TNR: variants seen among roughly 807,000 people sequenced by gnomAD.
The protein encoded by TNR is tenascin-R.
In TNR, 45 loss-of-function variants were observed where a neutral mutation model predicts 150.4. The observed-to-expected ratio is 0.30, with a 90% confidence interval of 0.24 to 0.38. The LOEUF is 0.38. Ranked by LOEUF, TNR falls within the 10% of genes least tolerant of loss-of-function variation. The pLI is 1.00. For missense variants in TNR, 1,544 were observed against 1,759.1 expected, an observed-to-expected ratio of 0.88 and a Z score of 2.19; for synonymous variants, 687 against 678.4, an observed-to-expected ratio of 1.01 and a Z score of -0.20.
intron 1 of TNR, among the ~76,000 whole-genome samples, chr1:175,691,642 C>T (rs753700732): frequency 6.6e-6 from 1 of 152,064 alleles, no homozygotes; most frequent in Non-Finnish European, 1.5e-5. Context: ...TTTTTCAGCC[C>T]CAAACTTGGT....
chr1:175,504,046 G>A (rs1216442981), intron 2 of TNR, among the ~76,000 whole-genome samples: 1 of 152,192 alleles, frequency 6.6e-6, no homozygotes, highest in Non-Finnish European at 1.5e-5. Context: ...TACGAAGAAG[G>A]CTGATGCCCA....
At chr1:175,387,017 C>T (rs975830846) in intron 7 of TNR, among the ~76,000 whole-genome samples, 3 of 152,228 alleles carry the variant, frequency 2.0e-5, no homozygotes, top group Admixed American at 6.5e-5. Flanking sequence ...CTTCCAGGTT[C>T]TCTAGTGTAT....
At chr1:175,355,040 T>C (rs1431069469) in intron 17 of TNR, among the ~76,000 whole-genome samples, 1 of 152,196 alleles carries the variant, frequency 6.6e-6, no homozygotes, top group Non-Finnish European at 1.5e-5. Context: ...GATATCACCT[T>C]TATAATGCTT....
At chr1:175,331,055 T>TC (rs1649793246) in intron 20 of TNR, among the ~76,000 whole-genome samples, 1 of 117,176 alleles carries the variant, frequency 8.5e-6, no homozygotes, top group Admixed American at 9.0e-5. Flanking sequence ...CTTTCTTTCT[T>TC]TCTTTCTTTC....
intron 2 of TNR, among the ~76,000 whole-genome samples, chr1:175,415,191 C>T (rs1399122409): frequency 1.3e-5 from 2 of 151,326 alleles, no homozygotes; most frequent in East Asian, 1.9e-4. Flanking sequence ...TAGTTTCCTC[C>T]CTGCCGTTGG....
intron 2 of TNR, among the ~76,000 whole-genome samples, chr1:175,501,198 A>G (rs1219046280): frequency 6.6e-6 from 1 of 152,338 alleles, no homozygotes; most frequent in African/African-American, 2.4e-5. Flanking sequence ...AGCCTTTAAA[A>G]GAAGGTGAAG....
intron 1 of TNR, among the ~76,000 whole-genome samples, chr1:175,627,323 T>G (rs1219409651): frequency 6.6e-6 from 1 of 152,208 alleles, no homozygotes; most frequent in Non-Finnish European, 1.5e-5. Flanking sequence ...ACTCTGATCC[T>G]TAGATCAGAG....
chr1:175,334,566 T>G (rs1326187358), intron 20 of TNR, among the ~76,000 whole-genome samples: 1 of 152,214 alleles, frequency 6.6e-6, no homozygotes, highest in African/African-American at 2.4e-5. Context: ...TTCAGACTTT[T>G]GCATTCAGGC....
intron 2 of TNR, among the ~76,000 whole-genome samples, chr1:175,486,316 C>CAGG (rs1658012448): frequency 6.6e-6 from 1 of 151,852 alleles, no homozygotes; most frequent in Non-Finnish European, 1.5e-5. Flanking sequence ...TGATGTTTCC[C>CAGG]TCCCTGTGTC....
intron 1 of TNR, among the ~76,000 whole-genome samples, chr1:175,610,646 T>A (rs917346937): frequency 1.6e-4 from 24 of 152,208 alleles, no homozygotes; most frequent in African/African-American, 5.8e-4. Context: ...CTCCTCCCTA[T>A]AAAGGAAAGT....
chr1:175,362,744 G>T lies in TNR; in HGVS notation c.2773C>A (p.Pro925Thr), dbSNP rs755988969. ...AGGCTGATTTCGTATTCGGTAGCTG[G>T]GTTCAGTCTGGTGATGGTGAATTCT... ...VTEFTITRLN[P>T]ATEYEISLNS... Residue 925 changes from proline to threonine, a missense_variant, in exon 14 of 23, where the codon CCA becomes ACA. Physicochemically the swap from Pro to Thr is conservative, Grantham distance 38. Transcript: ENST00000367674. 7.9e-5 allele frequency: 127 copies of T among 1,613,998 alleles called. No homozygotes were observed. Among genetic ancestry groups the T allele is most frequent in the Non-Finnish European group, 1.0e-4 (122 of 1,180,002 alleles).
intron 1 of TNR, among the ~76,000 whole-genome samples, chr1:175,595,716 A>T (rs1662980666): frequency 6.6e-6 from 1 of 152,228 alleles, no homozygotes; most frequent in Non-Finnish European, 1.5e-5. Context: ...GTCATGGAAC[A>T]GAAAGGGTAT....
rs536186172 is a variant in TNR, at chr1:175,613,721, T to C, written c.-164-85352A>G. On this transcript the variant is annotated intron_variant, in intron 1 of 22. Coordinates refer to ENST00000367674, the MANE Select transcript of TNR (RefSeq NM_003285.3). ...GAATTCTCTTGTCCTATCAAGTTAC[T>C]GCCCTCTCCCTTCTTCAGGAAAACA... is the stretch of plus-strand genomic sequence containing the variant. 1.1e-3 allele frequency among the ~76,000 whole-genome samples: 164 copies of C among 152,318 alleles called. 1 individual carries two copies. The highest frequency in any genetic ancestry group is 3.8e-3 in the African/African-American group (157 of 41,572).
chr1:175,542,873 C>T (rs1660557571), intron 1 of TNR, among the ~76,000 whole-genome samples: 1 of 152,128 alleles, frequency 6.6e-6, no homozygotes, highest in Admixed American at 6.5e-5. Context: ...CTCTCTTCAC[C>T]CTTGCTAACT....
intron 20 of TNR, among the ~76,000 whole-genome samples, chr1:175,331,074 T>TTTCTTTCTTTCTTTCTTTCC (rs1557868014): frequency 2.0e-5 from 2 of 101,282 alleles, no homozygotes; most frequent in African/African-American, 8.5e-5. Context: ...TCTTTCTTTC[T>TTTCTTTCTTTCTTTCTTTCC]TTCCTTCTTT....
rs115448521 is a variant in TNR, at chr1:175,475,292, A to G, written c.-64+52977T>C. On this transcript the variant is annotated intron_variant, in intron 2 of 22. Coordinates refer to ENST00000367674, the MANE Select transcript of TNR (RefSeq NM_003285.3). ...CTCTTACACCTTTCTGCCAAAGTAA[A>G]TTTAGGGATGATGGCACCTTTCTGC... is the stretch of plus-strand genomic sequence containing the variant. Among the ~76,000 whole-genome samples, 1,114 of 152,246 alleles carry G rather than the reference A, an allele frequency of 7.3e-3. 8 individuals are homozygous for G. Among genetic ancestry groups the G allele is most frequent in the African/African-American group, 0.026 (1,062 of 41,560 alleles).
At chr1:175,547,851 T>G (rs1310232267) in intron 1 of TNR, among the ~76,000 whole-genome samples, 1 of 152,190 alleles carries the variant, frequency 6.6e-6, no homozygotes, top group African/African-American at 2.4e-5. Context: ...TTGACACTGT[T>G]AAAGCCACTC....
chr1:175,363,639 G>C (rs542016150), intron 13 of TNR, 69 bp downstream of exon 13: 3 of 1,559,426 alleles, frequency 1.9e-6, no homozygotes, highest in South Asian at 2.4e-5. Context: ...TGTTCTGCGG[G>C]ATATGCTAGT....
At chr1:175,481,657 G>A (rs558554959) in intron 2 of TNR, among the ~76,000 whole-genome samples, 1 of 152,224 alleles carries the variant, frequency 6.6e-6, no homozygotes, top group Non-Finnish European at 1.5e-5. Context: ...AGAAGGTGGT[G>A]GGTGGGCCCA....
Sources: allele counts gnomAD v4.1 joint callset (sites outside exome capture counted in the v4.1 genomes callset), GRCh38; gene constraint gnomAD v4.1.1; transcripts MANE v1.5; gene names NCBI Gene and HGNC (gene_info 2026-07-23, HGNC 2026-07-21).